NR5A2: variants seen among roughly 807,000 people sequenced by gnomAD.
The protein encoded by NR5A2 is nuclear receptor subfamily 5 group A member 2.
A neutral mutation model predicts 62.7 loss-of-function variants in NR5A2; 26 were observed. That is an observed-to-expected ratio of 0.41 (90% CI 0.30 to 0.58). The LOEUF is 0.58. Among genes scored for constraint, NR5A2 ranks in the 20% least tolerant of loss-of-function variants. The pLI is 0.22. For synonymous variants in NR5A2, 246 were observed against 241.7 expected (o/e 1.02, Z -0.16); for missense variants, 541 against 669.1 (o/e 0.81, Z 2.11).
chr1:200,138,037 T>G lies in NR5A2; in HGVS notation c.1378+17082T>G, dbSNP rs187226757. Among the ~76,000 whole-genome samples, 354 of 152,352 alleles carry G rather than the reference T, an allele frequency of 2.3e-3. 1 individual carries two copies. The highest frequency in any genetic ancestry group is 8.4e-3 in the African/African-American group (348 of 41,594). ...TTAAAAACAGGTTGATGTGCCATTT[T>G]TCCTCCAACTTATGTATTTTAGATT... On this transcript the variant is annotated intron_variant, in intron 7 of 7. Transcript: ENST00000367362.
chr1:200,087,895 G>C (rs1169994845), intron 5 of NR5A2, among the ~76,000 whole-genome samples: 1 of 151,796 alleles, frequency 6.6e-6, no homozygotes, highest in Non-Finnish European at 1.5e-5. Context: ...GGGACTACAG[G>C]CACCCACCAT....
At chr1:200,167,369 A>AT (rs1350339944) in intron 7 of NR5A2, among the ~76,000 whole-genome samples, 2 of 151,826 alleles carry the variant, frequency 1.3e-5, no homozygotes, top group African/African-American at 2.4e-5. Context: ...TGTCTCTCCT[A>AT]TTTTTTATTA....
chr1:200,088,315 T>C (rs1558130408), intron 5 of NR5A2, among the ~76,000 whole-genome samples: 1 of 152,008 alleles, frequency 6.6e-6, no homozygotes, highest in Non-Finnish European at 1.5e-5. Flanking sequence ...TGGAGTGCAG[T>C]CGCGCGATCC....
At chr1:200,090,972 T>C (rs891961019) in intron 5 of NR5A2, among the ~76,000 whole-genome samples, 3 of 152,206 alleles carry the variant, frequency 2.0e-5, no homozygotes, top group East Asian at 1.9e-4. Context: ...CTTGACCACA[T>C]TGACTGGCTT....
chr1:200,066,338 G>C (rs1377833389), intron 5 of NR5A2, among the ~76,000 whole-genome samples: 1 of 152,092 alleles, frequency 6.6e-6, no homozygotes, highest in Non-Finnish European at 1.5e-5. Flanking sequence ...CATTTGTGGA[G>C]AAGGGGAACC....
rs201522628 is a variant in NR5A2 at position 200,048,438 on chromosome 1, C to G, written c.730C>G (p.Pro244Ala). 4 of 1,614,200 alleles carry G rather than the reference C, an allele frequency of 2.5e-6. No homozygotes were observed. The highest frequency in any genetic ancestry group is 2.2e-5 in the East Asian group (1 of 44,886). Residue 244 changes from proline (P) to alanine (A), a missense_variant, in exon 5 of 8, where the codon CCC (proline) becomes GCC (alanine). Physicochemically the swap from Pro to Ala is conservative, Grantham distance 27. This residue lies in a region of NR5A2 where 379 missense variants were observed against 442.0 expected (regional missense o/e 0.86). Coordinates refer to ENST00000367362, the MANE Select transcript of NR5A2 (RefSeq NM_205860.3). This position sits in a 1 kb window ranked among gnomAD's most constrained non-coding sequence, Gnocchi z 4.8. ...DYDRSPFVTS[P>A]ISMTMPPHGS... ...TGACAGAAGTCCCTTTGTAACATCC[C>G]CCATTAGCATGACAATGCCCCCTCA...
rs373436349 is a variant in NR5A2 at position 200,094,753 on chromosome 1, C to T, written c.1111-16449C>T. On this transcript the variant is annotated intron_variant, in intron 5 of 7. Coordinates refer to ENST00000367362, the MANE Select transcript of NR5A2 (RefSeq NM_205860.3). ...TTCGCTGTGCTAGCCAGGATGGTGT[C>T]GATCTCCTGACCTTGTGATCTGCCC... Among the ~76,000 whole-genome samples, 313 of 150,912 alleles carry T rather than the reference C, an allele frequency of 2.1e-3. 1 individual carries two copies. The highest frequency in any genetic ancestry group is 7.3e-3 in the African/African-American group (301 of 41,048).
At chr1:200,154,545 A>T (rs1261004212) in intron 7 of NR5A2, among the ~76,000 whole-genome samples, 1 of 152,144 alleles carries the variant, frequency 6.6e-6, no homozygotes, top group African/African-American at 2.4e-5. Context: ...GCAAGTAGAT[A>T]AACTGGTCAT....
rs748223183 is a variant in NR5A2, at chr1:200,048,155, C to T, written c.464-17C>T. On this transcript the variant is annotated splice_polypyrimidine_tract_variant and intron_variant, in intron 4 of 7. Coordinates refer to ENST00000367362, the MANE Select transcript of NR5A2 (RefSeq NM_205860.3). This position sits in a 1 kb window ranked among gnomAD's most constrained non-coding sequence, Gnocchi z 4.8. Reference sequence around the variant, plus strand: ...ATTTATACCTTTCCTTCCTTCCCCCCACCCCACCCCCAACAGCTGTAAGGG... The same window carrying T: ...ATTTATACCTTTCCTTCCTTCCCCCTACCCCACCCCCAACAGCTGTAAGGG... 4 of 1,572,700 alleles carry T rather than the reference C, an allele frequency of 2.5e-6. No individual in the cohort carries two copies. Among genetic ancestry groups the T allele is most frequent in the Non-Finnish European group, 3.4e-6 (4 of 1,159,730 alleles).
chr1:200,112,134 C>T (rs1304439211), intron 6 of NR5A2, among the ~76,000 whole-genome samples: 1 of 151,238 alleles, frequency 6.6e-6, no homozygotes, highest in Non-Finnish European at 1.5e-5. Flanking sequence ...CATCCACAGA[C>T]ATGTGTTGCA....
chr1:200,094,332 G>A (rs1013773010), intron 5 of NR5A2, among the ~76,000 whole-genome samples: 7 of 150,928 alleles, frequency 4.6e-5, no homozygotes, highest in African/African-American at 1.7e-4. Flanking sequence ...TTACAGGCGC[G>A]GGCTACCACA....
chr1:200,081,943 A>G (rs1000223849), intron 5 of NR5A2, among the ~76,000 whole-genome samples: 3 of 151,998 alleles, frequency 2.0e-5, no homozygotes, highest in African/African-American at 7.2e-5. Flanking sequence ...TGACTTAATT[A>G]TGCCCCTTAA....
chr1:200,075,060 A>G (rs1305108440), intron 5 of NR5A2, among the ~76,000 whole-genome samples: 2 of 152,168 alleles, frequency 1.3e-5, no homozygotes, highest in South Asian at 2.1e-4. Flanking sequence ...CTCCAGTAGG[A>G]ATTTATTATT....
At chr1:200,097,656 A>G (rs1474532504) in intron 5 of NR5A2, among the ~76,000 whole-genome samples, 2 of 152,218 alleles carry the variant, frequency 1.3e-5, no homozygotes, top group East Asian at 3.8e-4. Flanking sequence ...CTATCTAGAA[A>G]TATGGAAGAC....
chr1:200,061,120 CAAA>C lies in NR5A2; in HGVS notation c.1110+12322_1110+12324del, dbSNP rs34729240. On this transcript the variant is annotated intron_variant, in intron 5 of 7. Coordinates refer to ENST00000367362, the MANE Select transcript of NR5A2 (RefSeq NM_205860.3). ...TGGCCAACAGAGCAAAACTCCGTCT[CAAA>C]AAAAAAAAAAAAAAAAAAATTAAGT... 3.3e-3 allele frequency among the ~76,000 whole-genome samples: 246 copies of C among 75,382 alleles called. 1 individual carries two copies. The highest frequency in any genetic ancestry group is 0.019 in the East Asian group (44 of 2,354). 49.5% of individuals were successfully genotyped at this position (75,382 alleles called of 152,430 possible). A position where few individuals can be genotyped will look rare whatever the true frequency, so the allele number is the denominator to read the frequency against.
chr1:200,115,073 G>T (rs1047122214), intron 6 of NR5A2, among the ~76,000 whole-genome samples: 24 of 151,942 alleles, frequency 1.6e-4, no homozygotes, highest in African/African-American at 5.6e-4. Flanking sequence ...GTTTGTTTTT[G>T]GGGGAATTTT....
chr1:200,134,575 G>A (rs767350997), intron 7 of NR5A2, among the ~76,000 whole-genome samples: 10 of 152,102 alleles, frequency 6.6e-5, no homozygotes, highest in Non-Finnish European at 1.0e-4. Context: ...ATCGCGCAAC[G>A]AAATCACCTA....
At position 200,130,305 on chromosome 1, in the gene NR5A2, AGAAGAAGAAGAAGAAG is replaced by A. The variant is rs1571527605; in HGVS notation, c.1378+9351_1378+9366del. 4.1e-3 allele frequency among the ~76,000 whole-genome samples: 54 copies of A among 13,036 alleles called. 1 individual carries two copies. The highest frequency in any genetic ancestry group is 0.025 in the South Asian group (7 of 282). 8.6% of individuals were successfully genotyped at this position (13,036 alleles called of 152,430 possible). On this transcript the variant is annotated intron_variant, in intron 7 of 7. Transcript: ENST00000367362. ...AAGAAGAAGAAGAAGAAGAAGAAGAAGAAGAAGAAGAAGAAGAAAAAAAAAATCCAACAGAGAAATT... is the reference window on the plus strand; with the variant it reads ...AAGAAGAAGAAGAAGAAGAAGAAGAAAAAAAAAAAATCCAACAGAGAAATT...
At chr1:200,141,730 G>A (rs1055846078) in intron 7 of NR5A2, among the ~76,000 whole-genome samples, 8 of 152,294 alleles carry the variant, frequency 5.3e-5, no homozygotes, top group Middle Eastern at 3.4e-3. Context: ...GTTTTTGTAT[G>A]TAGGAAATGT....
Sources: gnomAD v4.1 joint callset for allele counts (sites outside exome capture counted in the v4.1 genomes callset) on GRCh38, gnomAD v4.1.1 for gene constraint, gnomAD v4.1.1 regional missense constraint, Gnocchi (gnomAD v3.1) non-coding constraint, MANE v1.5 for transcripts, NCBI Gene and HGNC (gene_info 2026-07-23, HGNC 2026-07-21) for gene names.